Variants in USH2A observed in about 807,000 individuals in gnomAD.
USH2A encodes the protein Usher syndrome 2A (autosomal recessive, mild).
Under a neutral mutation model 538.9 loss-of-function variants are expected in USH2A, and 443 were observed. The ratio of observed to expected loss-of-function variants is 0.82; its 90% CI spans 0.76 to 0.89. USH2A has a LOEUF of 0.89. Among genes scored for constraint, USH2A ranks in the 40% least tolerant of loss-of-function variants. The pLI, the probability that USH2A is intolerant of heterozygous loss-of-function variation, is 0.00. For synonymous variants in USH2A, 2,413 were observed against 2,273.5 expected (o/e 1.06, Z -1.75); for missense variants, 6,633 against 6,324.8 (o/e 1.05, Z -1.65).
At chr1:216,399,574 G>A (rs1376864142) in intron 3 of USH2A, among the ~76,000 whole-genome samples, 5 of 152,080 alleles carry the variant, frequency 3.3e-5, no homozygotes, top group Admixed American at 1.3e-4. Context: ...GGTGATAGGA[G>A]GAGGGTTACT....
At chr1:215,625,893 T>C (rs766240777) in intron 71 of USH2A, 23 bp from the exon 72 acceptor site, 10 of 1,599,698 alleles carry the variant, frequency 6.3e-6, no homozygotes, top group Non-Finnish European at 6.9e-6. Context: ...CCAATCATCA[T>C]TGGCTACATA....
chr1:216,188,994 C>T (rs2034663703), intron 20 of USH2A, among the ~76,000 whole-genome samples: 1 of 151,810 alleles, frequency 6.6e-6, no homozygotes, highest in Admixed American at 6.6e-5. Context: ...CTCTGCTGTC[C>T]ATATTCAGCA....
intron 38 of USH2A, among the ~76,000 whole-genome samples, chr1:215,926,900 G>A (rs1433217244): frequency 3.9e-5 from 6 of 151,910 alleles, no homozygotes; most frequent in Admixed American, 6.6e-5. Flanking sequence ...GAGCCACCGC[G>A]CCCAGCCTTA....
At chr1:216,198,180 G>A (rs1434129969) in intron 18 of USH2A, 135 bp downstream of exon 18, 1 of 1,308,770 alleles carries the variant, frequency 7.6e-7, no homozygotes, top group South Asian at 1.4e-5. Context: ...CCATATATAT[G>A]AAAATTTTCC....
chr1:215,628,976 C>T lies in USH2A; in HGVS notation c.15357G>A (p.Arg5119=), dbSNP rs774068061. 8.7e-6 allele frequency: 14 copies of T among 1,613,792 alleles called. No individual in the cohort carries two copies. The highest frequency in any genetic ancestry group is 5.0e-5 in the Admixed American group (3 of 59,992). Residue 5119 remains arginine, a synonymous_variant, in exon 71 of 72, where the codon CGG becomes CGA. Coordinates refer to ENST00000307340, the MANE Select transcript of USH2A (RefSeq NM_206933.4). ...SGTPVSIRSN[R]SACVLRIPSQ... ...TCGGGATGCGCAGGACACATGCACTCCGGTTGCTGCGGATACTCACAGGTG... is the reference window on the plus strand; with the variant it reads ...TCGGGATGCGCAGGACACATGCACTTCGGTTGCTGCGGATACTCACAGGTG...
chr1:215,783,818 G>A (rs1354002343), intron 52 of USH2A, among the ~76,000 whole-genome samples: 1 of 152,162 alleles, frequency 6.6e-6, no homozygotes, highest in Non-Finnish European at 1.5e-5. Flanking sequence ...CAGAAAAGGA[G>A]GCCTTCCTCC....
At chr1:216,041,613 G>A (rs1278228615) in intron 32 of USH2A, among the ~76,000 whole-genome samples, 2 of 151,988 alleles carry the variant, frequency 1.3e-5, no homozygotes, top group Non-Finnish European at 2.9e-5. Context: ...AAGTTAGTAG[G>A]GAAGTTTCTG....
intron 49 of USH2A, among the ~76,000 whole-genome samples, chr1:215,805,284 TA>T (rs56372570): frequency 0.5 from 75,413 of 149,714 alleles, 19,592 homozygotes; most frequent in Admixed American, 0.62. Flanking sequence ...TAAAGTATAA[TA>T]AAAAAAAAAG....
intron 4 of USH2A, among the ~76,000 whole-genome samples, chr1:216,336,212 A>G (rs1045693225): frequency 1.3e-5 from 2 of 151,526 alleles, no homozygotes; most frequent in African/African-American, 4.8e-5. Flanking sequence ...ACACTTCATG[A>G]TAAAATTTTT....
At chr1:216,259,929 A>T (rs887366015) in intron 11 of USH2A, among the ~76,000 whole-genome samples, 1 of 152,142 alleles carries the variant, frequency 6.6e-6, no homozygotes, top group South Asian at 2.1e-4. Flanking sequence ...AAATGAAGAA[A>T]TATAAATAAA....
chr1:215,790,495 A>G (rs1342986990), intron 50 of USH2A, among the ~76,000 whole-genome samples: 3 of 152,204 alleles, frequency 2.0e-5, no homozygotes, highest in African/African-American at 7.2e-5. Context: ...AGAACACACA[A>G]GAGGAAATGT....
chr1:215,634,702 G>A lies in USH2A; in HGVS notation c.15054C>T (p.Gly5018=), dbSNP rs557505612. Residue 5018 remains glycine, a splice_region_variant and synonymous_variant, in exon 70 of 72, where the codon GGC becomes GGT. Transcript: ENST00000307340. ...TTTTCCCAGGAGTTGTTAGGACCAA[G>A]CCTGCAAAACCCAGAGAAAGAAAGG... is the stretch of plus-strand genomic sequence containing the variant. ...LIQYDTSTGL[G]LVLTTPGKKK... is the part of the protein sequence containing the mutation. 1 of 1,614,232 alleles carries A rather than the reference G, an allele frequency of 6.2e-7. No individual in the cohort carries two copies. The highest frequency in any genetic ancestry group is 2.2e-5 in the East Asian group (1 of 44,890).
chr1:215,688,587 G>C (rs563852019), intron 61 of USH2A, among the ~76,000 whole-genome samples: 116 of 152,210 alleles, frequency 7.6e-4, no homozygotes, highest in African/African-American at 2.6e-3. Flanking sequence ...AGAAGTCTAA[G>C]ATCAAGGTGT....
Position 215,675,464 on chromosome 1 carries a change from CCA to C in USH2A, c.12445_12446del (p.Trp4149AspfsTer3). The C allele has an allele frequency of 6.2e-7, 1 of 1,614,048 alleles. No individual in the cohort carries two copies. Among genetic ancestry groups the C allele is most frequent in the South Asian group, 1.1e-5 (1 of 91,074 alleles). On this transcript the variant is annotated frameshift_variant, in exon 63 of 72. Transcript: ENST00000307340. LOFTEE classifies it high-confidence loss of function. ...GCAHSAPQPL[W>X]TDEAPPDSQL... ...GAGAGTCTGGAGGGGCTTCATCTGT[CCA>C]CAGAGGCTGAGGCGCCGAGTGTGCA... is the stretch of plus-strand genomic sequence containing the variant.
intron 3 of USH2A, among the ~76,000 whole-genome samples, chr1:216,406,383 G>A (rs2039394594): frequency 6.6e-6 from 1 of 152,024 alleles, no homozygotes; most frequent in South Asian, 2.1e-4. Context: ...ACAAATAGGT[G>A]GATATGTTTA....
chr1:216,088,210 C>A (rs1328346704), intron 23 of USH2A, among the ~76,000 whole-genome samples: 1 of 152,076 alleles, frequency 6.6e-6, no homozygotes, highest in Non-Finnish European at 1.5e-5. Flanking sequence ...TAGGTCTCTG[C>A]TCAAATGTCA....
chr1:215,837,965 G>A, intron 47 of USH2A, 26 bp downstream of exon 47: 1 of 1,555,636 alleles, frequency 6.4e-7, no homozygotes, highest in Non-Finnish European at 8.9e-7. Context: ...GAGTTCCTTA[G>A]ATTTAACTGA....
At position 215,888,805 on chromosome 1, in the gene USH2A, T is replaced by G; in HGVS notation, c.7844A>C (p.Gln2615Pro). ...TGCCCCTGGGAGTGTCCATACAGTC[T>G]GGGACTCTGGTGAAAGGGAACATCC... Reference protein sequence around the residue: ...SKGCSLSPESQTVWTLPGAPE... With the variant: ...SKGCSLSPESPTVWTLPGAPE... The change falls in exon 41 of 72, where the codon CAG (glutamine) becomes CCG (proline). Residue 2615 changes from glutamine (Q) to proline (P), a missense_variant. Gln to Pro is a moderately conservative substitution (Grantham distance 76). Coordinates refer to ENST00000307340, the MANE Select transcript of USH2A (RefSeq NM_206933.4). 6.2e-7 allele frequency: 1 copy of G among 1,614,122 alleles called. No homozygotes were observed. Among genetic ancestry groups the G allele is most frequent in the Admixed American group, 1.7e-5 (1 of 60,018 alleles).
chr1:215,625,741 A>T lies in USH2A; in HGVS notation c.*40T>A, dbSNP rs923638844. ...ATAACCCAGGAGGAAATGGGTGCAG[A>T]CCTTGCATTCCAGGGTTACGTCTTC... On this transcript the variant is annotated 3_prime_UTR_variant, in exon 72 of 72. Transcript: ENST00000307340. 1 of 1,586,394 alleles carries T rather than the reference A, an allele frequency of 6.3e-7. No individual in the cohort carries two copies. Among genetic ancestry groups the T allele is most frequent in the Admixed American group, 1.7e-5 (1 of 59,980 alleles).
Sources: gnomAD v4.1 joint callset for allele counts (sites outside exome capture counted in the v4.1 genomes callset) on GRCh38, gnomAD v4.1.1 for gene constraint, MANE v1.5 for transcripts, NCBI Gene and HGNC (gene_info 2026-07-23, HGNC 2026-07-21) for gene names.